The following IL1RL2 variants were observed in gnomAD, a reference collection of about 807,000 sequenced individuals.
The protein encoded by IL1RL2 is interleukin-1 receptor-like 2.
Under a neutral mutation model 66.8 loss-of-function variants are expected in IL1RL2, and 68 were observed. That is an observed-to-expected ratio of 1.02 (90% CI 0.84 to 1.25). The LOEUF is 1.25. Among genes scored for constraint, IL1RL2 ranks in the 50% most tolerant of loss-of-function variants. IL1RL2 has a pLI of 0.00. For synonymous variants in IL1RL2, 305 were observed against 264.6 expected (o/e 1.15, Z -1.48); for missense variants, 729 against 709.3 (o/e 1.03, Z -0.32).
At chr2:102,240,893 G>A (rs1038253240), downstream of IL1RL2, among the ~76,000 whole-genome samples, 14 of 152,270 alleles carry the variant, frequency 9.2e-5, no homozygotes, top group African/African-American at 3.4e-4. Context: ...ACTGGGTGAA[G>A]GACCTTGAGA....
intron 10 of IL1RL2, among the ~76,000 whole-genome samples, chr2:102,233,366 C>T (rs757552998): frequency 5.3e-5 from 8 of 152,106 alleles, no homozygotes; most frequent in Non-Finnish European, 7.3e-5. Context: ...TGCAGCAGCA[C>T]GCGTCTCACT....
chr2:102,240,737 T>C (rs1480868471), downstream of IL1RL2, among the ~76,000 whole-genome samples: 4 of 152,242 alleles, frequency 2.6e-5, no homozygotes, highest in Admixed American at 6.5e-5. Context: ...AACAAGGCTT[T>C]ATCAAGAACT....
chr2:102,209,136 T>C (rs1323921795), intron 5 of IL1RL2, among the ~76,000 whole-genome samples: 1 of 152,270 alleles, frequency 6.6e-6, no homozygotes, highest in Non-Finnish European at 1.5e-5. Flanking sequence ...GGTTCAGTAG[T>C]CACTACTTCA....
At chr2:102,197,705 G>A (rs1373894738) in intron 4 of IL1RL2, among the ~76,000 whole-genome samples, 1 of 152,202 alleles carries the variant, frequency 6.6e-6, no homozygotes, top group African/African-American at 2.4e-5. Context: ...CAGAGCCCTG[G>A]AGACACGGAA....
At chr2:102,195,710 TTTC>T (rs869188885) in intron 4 of IL1RL2, among the ~76,000 whole-genome samples, 17 of 124,124 alleles carry the variant, frequency 1.4e-4, no homozygotes, top group Admixed American at 2.4e-4. Context: ...TCCTTCTTTC[TTTC>T]TTTTTTTTTT....
intron 6 of IL1RL2, among the ~76,000 whole-genome samples, chr2:102,213,397 T>C (rs1023538330): frequency 6.6e-6 from 1 of 152,164 alleles, no homozygotes; most frequent in Non-Finnish European, 1.5e-5. Context: ...ATAATCGCAC[T>C]TAATAAGTAT....
chr2:102,234,535 T>C (rs1355086264), intron 10 of IL1RL2, among the ~76,000 whole-genome samples: 1 of 152,220 alleles, frequency 6.6e-6, no homozygotes, highest in Admixed American at 6.5e-5. Context: ...GGCTCACACC[T>C]GTAACCCCAG....
chr2:102,228,080 C>G (rs1056725072), intron 9 of IL1RL2, among the ~76,000 whole-genome samples: 1 of 152,224 alleles, frequency 6.6e-6, no homozygotes, highest in Non-Finnish European at 1.5e-5. Flanking sequence ...GCGATGGAGG[C>G]TAACAGGCAG....
chr2:102,230,722 C>T (rs1416286094), intron 9 of IL1RL2, among the ~76,000 whole-genome samples: 1 of 152,070 alleles, frequency 6.6e-6, no homozygotes, highest in Non-Finnish European at 1.5e-5. Context: ...TATATGACTA[C>T]ATGTGCAAGC....
At chr2:102,189,403 G>A (rs562123343) in intron 3 of IL1RL2, 93 bp downstream of exon 3, 5 of 732,944 alleles carry the variant, frequency 6.8e-6, no homozygotes, top group Admixed American at 2.9e-5. Flanking sequence ...CTCTTGAGAA[G>A]AATTATGTTG....
chr2:102,214,823 T>C (rs1011794134), intron 6 of IL1RL2, among the ~76,000 whole-genome samples: 9 of 152,334 alleles, frequency 5.9e-5, no homozygotes, highest in Admixed American at 1.3e-4. Flanking sequence ...ACAAAATTGC[T>C]GACTAGGGGC....
At chr2:102,222,434 T>C (rs1232821242) in intron 8 of IL1RL2, among the ~76,000 whole-genome samples, 4 of 152,192 alleles carry the variant, frequency 2.6e-5, no homozygotes, top group Admixed American at 2.6e-4. Flanking sequence ...GTCATTAACA[T>C]TTCTATATAA....
intron 4 of IL1RL2, among the ~76,000 whole-genome samples, chr2:102,194,391 T>C (rs983452463): frequency 1.3e-5 from 2 of 152,206 alleles, no homozygotes; most frequent in Non-Finnish European, 2.9e-5. Context: ...GGTCTTAGAA[T>C]CAAAGCTGGT....
At chr2:102,218,890 T>C (rs1689846956) in intron 6 of IL1RL2, 63 bp from the exon 7 acceptor site, 5 of 1,432,482 alleles carry the variant, frequency 3.5e-6, no homozygotes, top group Middle Eastern at 1.8e-4. Flanking sequence ...GTAATCCAGA[T>C]GTTAACAAAT....
At chr2:102,200,228 T>G (rs1482775991) in intron 4 of IL1RL2, among the ~76,000 whole-genome samples, 1 of 152,196 alleles carries the variant, frequency 6.6e-6, no homozygotes, top group African/African-American at 2.4e-5. Flanking sequence ...ATTCCCATTT[T>G]GTTTGACAAG....
chr2:102,195,589 C>T (rs1425402793), intron 4 of IL1RL2, among the ~76,000 whole-genome samples: 1 of 16,492 alleles, frequency 6.1e-5, no homozygotes, highest in African/African-American at 1.8e-4. Context: ...TTCTTTCTTT[C>T]TTTCTTTCTT....
intron 8 of IL1RL2, among the ~76,000 whole-genome samples, chr2:102,222,087 A>G (rs1477664948): frequency 1.3e-5 from 2 of 152,230 alleles, no homozygotes; most frequent in Non-Finnish European, 2.9e-5. Context: ...CTATGCTGAT[A>G]GTCCTAATAA....
At chr2:102,242,542 A>G (rs1281455469), downstream of IL1RL2, among the ~76,000 whole-genome samples, 1 of 152,172 alleles carries the variant, frequency 6.6e-6, no homozygotes, top group East Asian at 1.9e-4. Context: ...GTCTGAAGGC[A>G]GAAGATGAGA....
chr2:102,222,197 T>G (rs1051056389), intron 8 of IL1RL2, among the ~76,000 whole-genome samples: 1 of 152,246 alleles, frequency 6.6e-6, no homozygotes, highest in Non-Finnish European at 1.5e-5. Flanking sequence ...ATCACTGATA[T>G]AGCATGTAGC....
Sources: gnomAD v4.1 joint callset for allele counts (sites outside exome capture counted in the v4.1 genomes callset) on GRCh38, gnomAD v4.1.1 for gene constraint, MANE v1.5 for transcripts, NCBI Gene and HGNC (gene_info 2026-07-23, HGNC 2026-07-21) for gene names.